The following MEGF11 variants were observed in gnomAD, a reference collection of about 807,000 sequenced individuals.
The protein encoded by MEGF11 is multiple epidermal growth factor-like domains protein 11.
Under a neutral mutation model 146.6 loss-of-function variants are expected in MEGF11, and 126 were observed. The observed-to-expected ratio is 0.86, with a 90% CI of 0.74 to 1.00. The LOEUF is 1.00. Ranked by LOEUF, MEGF11 falls within the 50% of genes least tolerant of loss-of-function variation. The pLI is 0.00. For missense variants in MEGF11, 1,509 were observed against 1,521.2 expected (o/e 0.99, Z 0.13); for synonymous variants, 532 against 583.4 (o/e 0.91, Z 1.27).
chr15:65,990,610 GAAA>G (rs1192656601), intron 5 of MEGF11, among the ~76,000 whole-genome samples: 196 of 81,820 alleles, frequency 2.4e-3, no homozygotes, highest in African/African-American at 8.1e-3. Flanking sequence ...GAAAAGAAAA[GAAA>G]AAAAAGAAAA....
At chr15:66,184,632 G>A (rs1031350219) in intron 1 of MEGF11, among the ~76,000 whole-genome samples, 3 of 128,416 alleles carry the variant, frequency 2.3e-5, no homozygotes, top group Non-Finnish European at 4.7e-5. Context: ...AGACCAAAAT[G>A]TGCACCCTGC....
At chr15:66,157,301 A>G (rs546096269) in intron 1 of MEGF11, among the ~76,000 whole-genome samples, 1 of 152,364 alleles carries the variant, frequency 6.6e-6, no homozygotes, top group South Asian at 2.1e-4. Flanking sequence ...GATCACAGCT[A>G]GCAGGGTGCT....
At chr15:65,915,687 T>A (rs1482328100) in intron 18 of MEGF11, 89 bp from the exon 19 acceptor site, 2 of 1,509,280 alleles carry the variant, frequency 1.3e-6, no homozygotes, top group Non-Finnish European at 1.8e-6. Context: ...ATAAGCCTGT[T>A]TTGCCTCCCA....
intron 5 of MEGF11, among the ~76,000 whole-genome samples, chr15:66,039,214 CAG>C (rs1437495395): frequency 9.2e-5 from 14 of 152,202 alleles, no homozygotes; most frequent in Admixed American, 9.2e-4. Flanking sequence ...CATGAAAAGA[CAG>C]AGGAACTTCC....
At chr15:66,007,120 G>A (rs1400646930) in intron 5 of MEGF11, among the ~76,000 whole-genome samples, 1 of 152,220 alleles carries the variant, frequency 6.6e-6, no homozygotes, top group Non-Finnish European at 1.5e-5. Flanking sequence ...CCAGCACTGA[G>A]TGTGCTAACT....
intron 10 of MEGF11, among the ~76,000 whole-genome samples, chr15:65,937,726 T>C (rs1200390347): frequency 6.6e-6 from 1 of 152,264 alleles, no homozygotes; most frequent in Non-Finnish European, 1.5e-5. Context: ...ATTCCTATGA[T>C]GTCACCTATG....
intron 5 of MEGF11, among the ~76,000 whole-genome samples, chr15:66,030,533 C>T (rs951971128): frequency 6.6e-6 from 1 of 152,180 alleles, no homozygotes; most frequent in Non-Finnish European, 1.5e-5. Flanking sequence ...CCTCAGCCTC[C>T]GGAGTAGCTG....
chr15:65,964,804 C>T (rs892560035), intron 9 of MEGF11, 104 bp downstream of exon 9: 19 of 1,117,232 alleles, frequency 1.7e-5, no homozygotes, highest in Non-Finnish European at 2.4e-5. Context: ...CCCCCACCTG[C>T]CTGGATGTCC....
intron 5 of MEGF11, among the ~76,000 whole-genome samples, chr15:66,083,767 A>G (rs915650117): frequency 3.3e-5 from 5 of 152,154 alleles, no homozygotes; most frequent in African/African-American, 1.2e-4. Flanking sequence ...AATTTAAAAA[A>G]TTAGCCCAGC....
At chr15:65,927,548 G>A (rs1225810688) in intron 13 of MEGF11, among the ~76,000 whole-genome samples, 3 of 152,200 alleles carry the variant, frequency 2.0e-5, no homozygotes, top group Admixed American at 6.5e-5. Flanking sequence ...AATAAAGGGA[G>A]TGCTTTTGTC....
chr15:66,209,219 G>A (rs111917057), intron 1 of MEGF11, among the ~76,000 whole-genome samples: 6,934 of 152,090 alleles, frequency 0.046, 227 homozygotes, highest in African/African-American at 0.085. Flanking sequence ...GCGTGGTGGC[G>A]GGCGCCTGCA....
At chr15:65,963,746 C>T (rs1274968592) in intron 9 of MEGF11, among the ~76,000 whole-genome samples, 2 of 152,236 alleles carry the variant, frequency 1.3e-5, no homozygotes, top group Admixed American at 6.5e-5. Flanking sequence ...GTCTCTTTCC[C>T]GGGCCTTCCA....
chr15:66,040,485 G>T (rs565666410), intron 5 of MEGF11, among the ~76,000 whole-genome samples: 1 of 152,198 alleles, frequency 6.6e-6, no homozygotes, highest in African/African-American at 2.4e-5. Context: ...AATGCAGATT[G>T]GGTACACCGG....
intron 5 of MEGF11, among the ~76,000 whole-genome samples, chr15:65,999,797 G>A (rs1227273253): frequency 6.6e-6 from 1 of 152,194 alleles, no homozygotes; most frequent in Non-Finnish European, 1.5e-5. Flanking sequence ...AATGATCAAG[G>A]CATCATGCTA....
chr15:66,160,278 T>TCTCTCTCTCA (rs2089906349), intron 1 of MEGF11, among the ~76,000 whole-genome samples: 1 of 149,526 alleles, frequency 6.7e-6, no homozygotes, highest in Non-Finnish European at 1.5e-5. Flanking sequence ...TCTCTCTCTC[T>TCTCTCTCTCA]CACTGCTTTC....
intron 1 of MEGF11, among the ~76,000 whole-genome samples, chr15:66,141,277 T>C (rs1388005355): frequency 1.6e-5 from 2 of 126,698 alleles, no homozygotes; most frequent in African/African-American, 5.9e-5. Flanking sequence ...TGTGTGTGTG[T>C]GTGTGTGTGT....
intron 5 of MEGF11, among the ~76,000 whole-genome samples, chr15:66,042,311 C>T (rs201420602): frequency 6.6e-6 from 1 of 152,014 alleles, no homozygotes; most frequent in East Asian, 1.9e-4. Flanking sequence ...GGTTTCACCA[C>T]GTTGGCCAGG....
intron 10 of MEGF11, among the ~76,000 whole-genome samples, chr15:65,952,528 C>A (rs2080444912): frequency 6.6e-6 from 1 of 152,120 alleles, no homozygotes; most frequent in Non-Finnish European, 1.5e-5. Context: ...GTCATATGAC[C>A]CCTCACTCTG....
At chr15:66,111,572 C>A (rs1296838692) in intron 4 of MEGF11, among the ~76,000 whole-genome samples, 1 of 152,234 alleles carries the variant, frequency 6.6e-6, no homozygotes, top group Admixed American at 6.5e-5. Context: ...CCCCCCACCC[C>A]CAGCGCAGGC....
Sources: gnomAD v4.1 joint callset for allele counts (sites outside exome capture counted in the v4.1 genomes callset) on GRCh38, gnomAD v4.1.1 for gene constraint, MANE v1.5 for transcripts, NCBI Gene and HGNC (gene_info 2026-07-23, HGNC 2026-07-21) for gene names.